GALNT10: variants seen among roughly 807,000 people sequenced by gnomAD.
GALNT10 encodes the protein polypeptide N-acetylgalactosaminyltransferase 10.
In GALNT10, 41 loss-of-function variants were observed where a neutral mutation model predicts 75.0. The observed-to-expected ratio is 0.55, with a 90% CI of 0.43 to 0.71. The LOEUF is 0.71. Ranked by LOEUF, GALNT10 falls within the 30% of genes least tolerant of loss-of-function variation. The pLI, the probability that GALNT10 is intolerant of heterozygous loss-of-function variation, is 0.00. For missense variants in GALNT10, 727 were observed against 818.5 expected (o/e 0.89, Z 1.36); for synonymous variants, 302 against 313.0 (o/e 0.96, Z 0.37).
chr5:154,208,989 T>G (rs923569021), intron 1 of GALNT10, among the ~76,000 whole-genome samples: 3 of 152,128 alleles, frequency 2.0e-5, no homozygotes, highest in African/African-American at 7.2e-5. Flanking sequence ...CCCAGCAAAG[T>G]TCACAGGAAA....
intron 5 of GALNT10, among the ~76,000 whole-genome samples, chr5:154,377,011 G>A (rs980660080): frequency 1.3e-5 from 2 of 152,160 alleles, no homozygotes; most frequent in African/African-American, 4.8e-5. Context: ...ACCATCTGTC[G>A]GGCTCCAAAG....
intron 4 of GALNT10, chr5:154,337,364 C>T (rs1754960438): frequency 3.7e-6 from 2 of 535,210 alleles, no homozygotes; most frequent in Admixed American, 2.6e-5. Context: ...TGGGCTCTGC[C>T]ACCATTGTGC....
At chr5:154,236,812 C>G (rs1753254659) in intron 1 of GALNT10, among the ~76,000 whole-genome samples, 1 of 152,190 alleles carries the variant, frequency 6.6e-6, no homozygotes, top group Admixed American at 6.5e-5. Context: ...TGAGATCCCC[C>G]AGGGTGGTTG....
intron 1 of GALNT10, among the ~76,000 whole-genome samples, chr5:154,224,751 C>T (rs1753034231): frequency 6.7e-6 from 1 of 150,252 alleles, no homozygotes; most frequent in African/African-American, 2.4e-5. Flanking sequence ...CAACAGAACA[C>T]AGTCTCTGTC....
At position 154,420,258 on chromosome 5, in the gene GALNT10, G is replaced by A. The variant is rs1325560083; in HGVS notation, c.*3286G>A. 1.3e-5 allele frequency: 2 copies of A among 152,216 alleles called. No homozygotes were observed. The highest frequency in any genetic ancestry group is 2.4e-5 in the African/African-American group (1 of 41,460). 9.4% of individuals were successfully genotyped at this position (152,216 alleles called of 1,614,324 possible). On this transcript the variant is annotated 3_prime_UTR_variant, in exon 12 of 12. Coordinates refer to ENST00000297107, the MANE Select transcript of GALNT10 (RefSeq NM_198321.4). The stretch of plus-strand genomic sequence containing the variant: ...GTTTCTGTTAAAGATGTAACAAATG[G>A]ATTTCCAAAGTCTACATGACATTCA...
At position 154,383,036 on chromosome 5, in the gene GALNT10, G is replaced by T. The variant is rs1387629738; in HGVS notation, c.938+2405G>T. On this transcript the variant is annotated intron_variant, in intron 6 of 11. Transcript: ENST00000297107. ...AGAGCAGTTACACTGGAGTCTGGGG[G>T]TGGGATGCAGGTATCATCATTTTTT... 2.0e-5 allele frequency among the ~76,000 whole-genome samples: 3 copies of T among 152,218 alleles called. No homozygotes were observed. The East Asian group carries it at 5.8e-4, about 29-fold the overall frequency.
chr5:154,416,734 T>A lies in GALNT10; in HGVS notation c.1654-80T>A. 2 of 1,006,862 alleles carry A rather than the reference T, an allele frequency of 2.0e-6. No individual in the cohort carries two copies. The highest frequency in any genetic ancestry group is 1.4e-5 in the South Asian group (1 of 72,812). The allele number at this position is 1,006,862 out of a possible 1,614,324, so 62.4% of individuals were successfully genotyped here. A position where few individuals can be genotyped will look rare whatever the true frequency, so the allele number is the denominator to read the frequency against. Reference sequence around the variant, plus strand: ...GTCAGTCAGTCACTTCCTCACTTTCTCATTGCTGGTATTGTTGCTGTGGTT... The same window carrying A: ...GTCAGTCAGTCACTTCCTCACTTTCACATTGCTGGTATTGTTGCTGTGGTT... On this transcript the variant is annotated intron_variant, in intron 11 of 11. Transcript: ENST00000297107. This position sits in a 1 kb window ranked among gnomAD's most constrained non-coding sequence, Gnocchi z 4.5.
chr5:154,262,313 C>T (rs984650828), intron 1 of GALNT10, among the ~76,000 whole-genome samples: 2 of 152,174 alleles, frequency 1.3e-5, no homozygotes, highest in African/African-American at 4.8e-5. Flanking sequence ...TCCTTCTGTC[C>T]CTCTCAGCTC....
At chr5:154,293,614 T>TATATATATATATATATATATATATATA (rs60780135) in intron 1 of GALNT10, among the ~76,000 whole-genome samples, 2 of 106,458 alleles carry the variant, frequency 1.9e-5, no homozygotes, top group African/African-American at 8.3e-5. Flanking sequence ...TATATATATA[T>TATATATATATATATATATATATATATA]TTTTTTTTTC....
rs912861300 is a variant in GALNT10, at chr5:154,376,849, T to C, written c.754+387T>C. On this transcript the variant is annotated intron_variant, in intron 5 of 11. Coordinates refer to ENST00000297107, the MANE Select transcript of GALNT10 (RefSeq NM_198321.4). The surrounding 1 kb of genome is among the most constrained non-coding windows in gnomAD (Gnocchi z 4.1). ...TCAACTTAGAAGAGTTACCATAGAC[T>C]GTGCTGCCACTGTGAGCCAGGCAGT... Among the ~76,000 whole-genome samples the C allele has an allele frequency of 6.6e-6, 1 of 152,172 alleles. No individual in the cohort carries two copies. The highest frequency in any genetic ancestry group is 1.5e-5 in the Non-Finnish European group (1 of 68,030).
chr5:154,266,934 T>G (rs1753783897), intron 1 of GALNT10, among the ~76,000 whole-genome samples: 1 of 152,156 alleles, frequency 6.6e-6, no homozygotes, highest in African/African-American at 2.4e-5. Context: ...TTTTAATTGA[T>G]CTCTCCTTTT....
At chr5:154,396,244 G>A (rs1430476780) in intron 7 of GALNT10, among the ~76,000 whole-genome samples, 1 of 145,394 alleles carries the variant, frequency 6.9e-6, no homozygotes, top group Non-Finnish European at 1.5e-5. Context: ...GGTAATTAAT[G>A]TTTGTTTGGG....
chr5:154,239,529 C>G (rs1753299110), intron 1 of GALNT10, among the ~76,000 whole-genome samples: 1 of 152,204 alleles, frequency 6.6e-6, no homozygotes, highest in Non-Finnish European at 1.5e-5. Flanking sequence ...TTCTGAGAAT[C>G]TAATAATAAA....
At chr5:154,288,661 C>T (rs1193195969) in intron 1 of GALNT10, among the ~76,000 whole-genome samples, 4 of 152,008 alleles carry the variant, frequency 2.6e-5, no homozygotes, top group Admixed American at 2.6e-4. Flanking sequence ...ATCTGGAAAC[C>T]AAGAGAAAGC....
chr5:154,390,618 A>G (rs941490125), intron 7 of GALNT10, among the ~76,000 whole-genome samples: 26 of 152,222 alleles, frequency 1.7e-4, no homozygotes, highest in Non-Finnish European at 2.5e-4. Flanking sequence ...GTTAACAAAT[A>G]TTGGCTGAAT....
intron 1 of GALNT10, among the ~76,000 whole-genome samples, chr5:154,246,768 A>G (rs12332755): frequency 0.046 from 7,011 of 152,040 alleles, 432 homozygotes; most frequent in African/African-American, 0.14. Context: ...TTGCCTGTTC[A>G]CTCTGATGGT....
chr5:154,363,808 C>T (rs1410271460), intron 4 of GALNT10, among the ~76,000 whole-genome samples: 1 of 152,178 alleles, frequency 6.6e-6, no homozygotes, highest in Non-Finnish European at 1.5e-5. Flanking sequence ...CACAAGTGTA[C>T]CTGAGTGACA....
chr5:154,348,524 G>GT (rs1644873058), intron 4 of GALNT10, among the ~76,000 whole-genome samples: 1 of 152,130 alleles, frequency 6.6e-6, no homozygotes, highest in Admixed American at 6.5e-5. Flanking sequence ...GGGAATTATT[G>GT]TTTTTCCTCC....
intron 6 of GALNT10, among the ~76,000 whole-genome samples, chr5:154,385,673 CT>C (rs2113184577): frequency 6.6e-6 from 1 of 152,332 alleles, no homozygotes; most frequent in South Asian, 2.1e-4. Flanking sequence ...TCCCTCACAA[CT>C]GGCATGGGAT....
Sources: gnomAD v4.1 joint callset for allele counts (sites outside exome capture counted in the v4.1 genomes callset) on GRCh38, gnomAD v4.1.1 for gene constraint, Gnocchi (gnomAD v3.1) non-coding constraint, MANE v1.5 for transcripts, NCBI Gene and HGNC (gene_info 2026-07-23, HGNC 2026-07-21) for gene names.